Variants in IQSEC2 observed in about 807,000 individuals in gnomAD.
The protein encoded by IQSEC2 is IQ motif and Sec7 domain ArfGEF 2.
Under a neutral mutation model 74.6 loss-of-function variants are expected in IQSEC2, and 6 were observed. The observed-to-expected ratio is 0.08, with a 90% CI of 0.04 to 0.16. The LOEUF (loss-of-function observed/expected upper bound fraction) is 0.16, where lower values mean the gene tolerates loss of function less well. Among genes scored for constraint, IQSEC2 ranks in the 10% least tolerant of loss-of-function variants. The pLI, the probability that IQSEC2 is intolerant of heterozygous loss-of-function variation, is 1.00. For synonymous variants in IQSEC2, 494 were observed against 544.5 expected (o/e 0.91, Z 1.29); for missense variants, 734 against 1,306.2 (o/e 0.56, Z 6.75).
intron 8 of IQSEC2, 27 bp downstream of exon 8, chrX:53,246,942 G>A: frequency 8.4e-7 from 1 of 1,193,852 alleles, no homozygotes; most frequent in Non-Finnish European, 1.1e-6. Context: ...CCAGGTGAAG[G>A]GCAGGAAAAG....
rs1351193713 is a variant in IQSEC2 at position 53,233,754 on chromosome X, A to G, written c.*465T>C. 1.7e-5 allele frequency: 5 copies of G among 293,679 alleles called. No homozygotes were observed. Among genetic ancestry groups the G allele is most frequent in the African/African-American group, 1.1e-4 (4 of 36,426 alleles). The allele number at this position is 293,679 out of a possible 1,213,427, so 24.2% of individuals were successfully genotyped here. A position where few individuals can be genotyped will look rare whatever the true frequency, so the allele number is the denominator to read the frequency against. ...GGGCCAAGCCAGCTGAAGTTTGGCC[A>G]CAACTCTACAGAGCGCTCTCCTAGC... On this transcript the variant is annotated 3_prime_UTR_variant, in exon 15 of 15. Transcript: ENST00000642864.
At position 53,321,004 on chromosome X, in the gene IQSEC2, C is replaced by T. The variant is rs1057522131; in HGVS notation, c.120G>A (p.Gln40=). The change falls in exon 1 of 15, where the codon CAG becomes CAA. Residue 40 remains glutamine, a synonymous_variant. Transcript: ENST00000642864. ...IESQQQLLET[Q]RRRIEELEGQ... is the part of the protein sequence containing the mutation. The stretch of plus-strand genomic sequence containing the variant: ...CCTCCAGCTCCTCGATGCGCCGCCG[C>T]TGGGTTTCCAGCAGCTGCTGCTGGC... 7.8e-6 allele frequency: 9 copies of T among 1,158,822 alleles called. No individual in the cohort carries two copies. The Admixed American group carries it at 2.3e-4, about 30-fold the overall frequency.
At chrX:53,282,668 C>A (rs1556871126) in intron 2 of IQSEC2, among the ~76,000 whole-genome samples, 2 of 112,303 alleles carry the variant, frequency 1.8e-5, no homozygotes, top group Admixed American at 9.4e-5. Context: ...GAGAGAGAGG[C>A]CCTCCGGAAC....
At chrX:53,283,210 T>C (rs2074992717) in intron 2 of IQSEC2, among the ~76,000 whole-genome samples, 1 of 111,913 alleles carries the variant, frequency 8.9e-6, no homozygotes, top group African/African-American at 3.3e-5. Flanking sequence ...AGCAAGACCC[T>C]GTACAAAAGA....
At chrX:53,291,101 G>A (rs1241974640) in intron 2 of IQSEC2, among the ~76,000 whole-genome samples, 4 of 111,571 alleles carry the variant, frequency 3.6e-5, no homozygotes, top group South Asian at 3.8e-4. Context: ...CAGCCTGGAT[G>A]TTAAGGCTGA....
intron 1 of IQSEC2, among the ~76,000 whole-genome samples, chrX:53,316,752 T>C: frequency 9.2e-6 from 1 of 108,719 alleles, no homozygotes; most frequent in Admixed American, 9.8e-5. Flanking sequence ...CTGAACTCAC[T>C]TGAGTAAGCT....
At chrX:53,316,549 G>C (rs1457185592) in intron 1 of IQSEC2, among the ~76,000 whole-genome samples, 1 of 111,095 alleles carries the variant, frequency 9.0e-6, no homozygotes, top group Admixed American at 9.6e-5. Context: ...AGAATACCAC[G>C]TTGGGCCGGG....
chrX:53,247,211 A>G, intron 7 of IQSEC2, 76 bp from the exon 8 acceptor site: 1 of 981,190 alleles, frequency 1.0e-6, no homozygotes. Flanking sequence ...CCAGTCTGGC[A>G]CCAGCAACCC....
chrX:53,236,595 C>G, intron 12 of IQSEC2, 100 bp from the exon 13 acceptor site: 1 of 908,025 alleles, frequency 1.1e-6, no homozygotes, highest in Non-Finnish European at 1.6e-6. Flanking sequence ...CCTTCCTCCT[C>G]CCTCCTCCCT....
chrX:53,274,265 C>T (rs1556869078), intron 2 of IQSEC2, among the ~76,000 whole-genome samples: 1 of 110,041 alleles, frequency 9.1e-6, no homozygotes, highest in East Asian at 2.8e-4. Context: ...AAATCTAGCT[C>T]CAGGATATGG....
At chrX:53,228,640 A>G (rs183781615), downstream of IQSEC2, among the ~76,000 whole-genome samples, 5 of 111,961 alleles carry the variant, frequency 4.5e-5, no homozygotes, top group African/African-American at 1.6e-4. Flanking sequence ...GGTTTGTAAA[A>G]TATGATCTCT....
intron 3 of IQSEC2, among the ~76,000 whole-genome samples, 184 bp from the exon 4 acceptor site, chrX:53,255,115 T>C (rs2074446967): frequency 9.1e-6 from 1 of 109,894 alleles, no homozygotes; most frequent in Non-Finnish European, 1.9e-5. Flanking sequence ...CAAATGGGAT[T>C]GGATTATGTT....
chrX:53,300,489 TC>T (rs1331960701), intron 1 of IQSEC2, among the ~76,000 whole-genome samples: 1 of 111,212 alleles, frequency 9.0e-6, no homozygotes, highest in East Asian at 2.8e-4. Context: ...ATTGTCTATT[TC>T]CATGGCTGAC....
intron 1 of IQSEC2, among the ~76,000 whole-genome samples, chrX:53,314,001 T>C (rs782704520): frequency 2.3e-4 from 26 of 112,056 alleles, no homozygotes; most frequent in Non-Finnish European, 4.3e-4. Flanking sequence ...AAGAATTTAT[T>C]TTTCCTTAGG....
At chrX:53,292,722 C>T (rs1250110795) in intron 1 of IQSEC2, among the ~76,000 whole-genome samples, 1 of 111,761 alleles carries the variant, frequency 8.9e-6, no homozygotes, top group Admixed American at 9.4e-5. Flanking sequence ...CTTCCTCTCC[C>T]ACCACGCCTT....
At chrX:53,236,687 C>T (rs1344459027) in intron 12 of IQSEC2, among the ~76,000 whole-genome samples, 192 bp from the exon 13 acceptor site, 1 of 111,156 alleles carries the variant, frequency 9.0e-6, no homozygotes, top group Non-Finnish European at 1.9e-5. Flanking sequence ...ATCACCGAAG[C>T]ACCCTTAGTG....
chrX:53,243,275 T>G (rs1428247799), intron 9 of IQSEC2, 57 bp downstream of exon 9: 1 of 1,054,092 alleles, frequency 9.5e-7, no homozygotes, highest in African/African-American at 1.9e-5. Context: ...GACTTACCAC[T>G]TAGTGGCAGA....
At position 53,308,941 on chromosome X, in the gene IQSEC2, A is replaced by T. The variant is rs189624551; in HGVS notation, c.707+11476T>A. ...AGCGAGACCCCGTCTCTAAAAAAAA[A>T]AAATAAATAAAACTTTGCCAGGTGT... On this transcript the variant is annotated intron_variant, in intron 1 of 14. Coordinates refer to ENST00000642864, the MANE Select transcript of IQSEC2 (RefSeq NM_001111125.3). Among the ~76,000 whole-genome samples, 490 of 109,058 alleles carry T rather than the reference A, an allele frequency of 4.5e-3. 1 individual carries two copies. Among genetic ancestry groups the T allele is most frequent in the Middle Eastern group, 0.019 (4 of 216 alleles). 94.7% of individuals were successfully genotyped at this position (109,058 alleles called of 115,157 possible).
chrX:53,288,293 A>G (rs2075053665), intron 2 of IQSEC2, among the ~76,000 whole-genome samples: 1 of 111,810 alleles, frequency 8.9e-6, no homozygotes, highest in Non-Finnish European at 1.9e-5. Flanking sequence ...ACTGAGGCCC[A>G]CAGTGGGAGG....
Sources: gnomAD v4.1 joint callset for allele counts (sites outside exome capture counted in the v4.1 genomes callset) on GRCh38, gnomAD v4.1.1 for gene constraint, MANE v1.5 for transcripts, NCBI Gene and HGNC (gene_info 2026-07-23, HGNC 2026-07-21) for gene names.